Variants in KLC3 observed in about 807,000 individuals in gnomAD.
KLC3 encodes the protein kinesin light chain 2.
In KLC3, 72 loss-of-function variants were observed where a neutral mutation model predicts 62.9. The ratio of observed to expected loss-of-function variants is 1.15; its 90% CI spans 0.95 to 1.39. The LOEUF (loss-of-function observed/expected upper bound fraction) is 1.39, where lower values mean the gene tolerates loss of function less well. KLC3 is among the 40% of genes most tolerant of loss of function. The probability of loss-of-function intolerance (pLI) is 0.00; values close to 1 mark genes in which losing one functional copy is unlikely to be tolerated. For missense variants in KLC3, 848 were observed against 691.6 expected (o/e 1.23, Z -2.54); for synonymous variants, 377 against 300.5 (o/e 1.25, Z -2.63).
At chr19:45,350,082 CCAGGG>C (rs1282607751) in intron 8 of KLC3, 1 of 512,612 alleles carries the variant, frequency 2.0e-6, no homozygotes, top group Non-Finnish European at 3.5e-6. Context: ...CCACTCTGCC[CCAGGG>C]CAAGGCTTTA....
At position 45,348,695 on chromosome 19, in the gene KLC3, C is replaced by A. The variant is rs894205871; in HGVS notation, c.829C>A (p.Gln277Lys). The A allele has an allele frequency of 1.3e-6, 2 of 1,596,774 alleles. No homozygotes were observed. The highest frequency in any genetic ancestry group is 8.5e-7 in the Non-Finnish European group (1 of 1,172,056). Residue 277 changes from glutamine (Q) to lysine (K), a missense_variant, in exon 6 of 13, where the codon CAG becomes AAG. Transcript: ENST00000391946. ...EATDLLHDALQIREQTLGPEH... is the reference protein window; with the variant it reads ...EATDLLHDALKIREQTLGPEH... ...CACAGACCTTCTCCATGATGCCCTG[C>A]AGATCCGGGAGCAGACGCTGGGCCC...
Position 45,345,736 on chromosome 19 carries a change from G to C in KLC3, c.195G>C (p.Glu65Asp). The change falls in exon 2 of 13, where the codon GAG (glutamate) becomes GAC (aspartate). Residue 65 changes from glutamate to aspartate, a missense_variant. Coordinates refer to ENST00000391946, the MANE Select transcript of KLC3 (RefSeq NM_177417.3). ...QGPAAGLEML[E>D]EKQQVVSHSL... ...CGGCAGCCGGCTTGGAGATGCTGGA[G>C]GAAAAGCAGCAGGTGGTGAGCCACT... is the stretch of plus-strand genomic sequence containing the variant. 1 of 1,559,528 alleles carries C rather than the reference G, an allele frequency of 6.4e-7. No individual in the cohort carries two copies. The highest frequency in any genetic ancestry group is 1.2e-5 in the South Asian group (1 of 84,564).
At chr19:45,340,927 T>G (rs1971380358) in intron 1 of KLC3, 81 bp downstream of exon 1, 1 of 152,156 alleles carries the variant, frequency 6.6e-6, no homozygotes, top group Admixed American at 6.5e-5. Context: ...CCGCTCGCCC[T>G]GAGACGGGGA....
rs190213458 is a variant in KLC3, at chr19:45,340,768, G to C, written c.-87G>C. 1.4e-3 allele frequency: 208 copies of C among 152,188 alleles called. No individual in the cohort carries two copies. Among genetic ancestry groups the C allele is most frequent in the African/African-American group, 4.9e-3 (203 of 41,562 alleles). The allele number at this position is 152,188 out of a possible 1,614,324, so 9.4% of individuals were successfully genotyped here. A position where few individuals can be genotyped will look rare whatever the true frequency, so the allele number is the denominator to read the frequency against. ...AGGTCCCAGACGCCCGGCGCAGCGG[G>C]AGCGGCGGGGCGTGCCTGGCCTGCG... is the stretch of plus-strand genomic sequence containing the variant. On this transcript the variant is annotated 5_prime_UTR_variant, in exon 1 of 13. Coordinates refer to ENST00000391946, the MANE Select transcript of KLC3 (RefSeq NM_177417.3).
intron 5 of KLC3, 147 bp downstream of exon 5, chr19:45,348,307 G>A: frequency 1.3e-6 from 1 of 780,244 alleles, no homozygotes; most frequent in South Asian, 1.8e-5. Context: ...AGGAAGGGAA[G>A]GCTCCTGCTG....
In KLC3 at chr19:45,345,653, C is replaced by G; in HGVS notation, c.112C>G (p.Arg38Gly). The G allele has an allele frequency of 6.3e-7, 1 of 1,583,410 alleles. No homozygotes were observed. Among genetic ancestry groups the G allele is most frequent in the African/African-American group, 1.3e-5 (1 of 74,604 alleles). The change falls in exon 2 of 13, where the codon CGG (arginine) becomes GGG (glycine). Residue 38 changes from arginine (R) to glycine (G), a missense_variant. Physicochemically the swap from Arg to Gly is moderately radical, Grantham distance 125 (BLOSUM62 -2). Transcript: ENST00000391946. ...RQVVQGLEALRAEHHGLAGHL... is the reference protein window; with the variant it reads ...RQVVQGLEALGAEHHGLAGHL... Reference sequence around the variant, plus strand: ...AGTGGTCCAGGGGCTGGAGGCGCTGCGGGCAGAGCACCATGGCCTGGCTGG... The same window carrying G: ...AGTGGTCCAGGGGCTGGAGGCGCTGGGGGCAGAGCACCATGGCCTGGCTGG...
In KLC3 at chr19:45,349,558, G is replaced by C. The variant is rs772322559; in HGVS notation, c.1099G>C (p.Gly367Arg). 6.2e-7 allele frequency: 1 copy of C among 1,613,832 alleles called. No homozygotes were observed. Among genetic ancestry groups the C allele is most frequent in the Non-Finnish European group, 8.5e-7 (1 of 1,179,840 alleles). The change falls in exon 8 of 13, where the codon GGC becomes CGC. Residue 367 changes from glycine to arginine, a missense_variant. By Grantham distance (125) the Gly-to-Arg change is moderately radical (BLOSUM62 -2). Coordinates refer to ENST00000391946, the MANE Select transcript of KLC3 (RefSeq NM_177417.3). ...ARALSIYEAL[G>R]GPHDPNVAKT... is the part of the protein sequence containing the mutation. ...GGCCCTGAGCATCTATGAGGCACTG[G>C]GCGGGCCCCATGACCCCAACGTGGC...
Position 45,345,756 on chromosome 19 carries a change from G to A in KLC3, c.215G>A (p.Ser72Asn), listed in dbSNP as rs1428920172. 6.4e-7 allele frequency: 1 copy of A among 1,554,260 alleles called. No homozygotes were observed. The highest frequency in any genetic ancestry group is 2.4e-5 in the East Asian group (1 of 41,410). ...CTGGAGGAAAAGCAGCAGGTGGTGA[G>A]CCACTCGCTGGAGGCCATCGAGCTG... is the stretch of plus-strand genomic sequence containing the variant. ...EMLEEKQQVV[S>N]HSLEAIELGL... The change falls in exon 2 of 13, where the codon AGC becomes AAC. Residue 72 changes from serine to asparagine, a missense_variant. Physicochemically the swap from Ser to Asn is conservative, Grantham distance 46. Transcript: ENST00000391946.
rs201136879 is a variant in KLC3, at chr19:45,351,016, A to C, written c.1442A>C (p.Gln481Pro). 6.1e-5 allele frequency: 99 copies of C among 1,614,086 alleles called. No homozygotes were observed. The African/African-American group carries it at 1.1e-3, about 18-fold the overall frequency. ...GATGCTCCAAGGGCTCCTGGGACTC[A>C]GGTGAGGGGGACATCTGGGTCAAAA... ...NVDAPRAPGT[Q>P]FPSWHLDKAP... The change falls in exon 12 of 13, where the codon CAG becomes CCG. Residue 481 changes from glutamine (Q) to proline (P), a missense_variant and splice_region_variant. Physicochemically the swap from Gln to Pro is moderately conservative, Grantham distance 76. Coordinates refer to ENST00000391946, the MANE Select transcript of KLC3 (RefSeq NM_177417.3).
rs189607118 is a variant in KLC3 at position 45,342,529 on chromosome 19, G to C, written c.-9+1683G>C. On this transcript the variant is annotated intron_variant, in intron 1 of 12. Coordinates refer to ENST00000391946, the MANE Select transcript of KLC3 (RefSeq NM_177417.3). ...AATCCCAGCACTTTGGGAGGCCAAG[G>C]GGGGAGCGGGTGGATCATTTGAGGT... Among the ~76,000 whole-genome samples, 236 of 152,242 alleles carry C rather than the reference G, an allele frequency of 1.6e-3. 1 individual carries two copies. Among genetic ancestry groups the C allele is most frequent in the South Asian group, 2.1e-3 (10 of 4,824 alleles).
At chr19:45,341,802 T>TGTGTGTGTGTGTAG (rs139012889) in intron 1 of KLC3, among the ~76,000 whole-genome samples, 1 of 137,142 alleles carries the variant, frequency 7.3e-6, no homozygotes, top group African/African-American at 2.6e-5. Flanking sequence ...TGTGTGTGTG[T>TGTGTGTGTGTGTAG]AGAGAGGAAC....
intron 8 of KLC3, chr19:45,349,827 C>T (rs529192868): frequency 3.7e-6 from 2 of 544,184 alleles, no homozygotes; most frequent in South Asian, 5.2e-5. Flanking sequence ...CGGAAGCTGG[C>T]AGGCACAGGT....
In KLC3 at chr19:45,350,316, T is replaced by C. The variant is rs1223237343; in HGVS notation, c.1144-25T>C. The C allele has an allele frequency of 5.0e-6, 8 of 1,605,620 alleles. 1 individual carries two copies. Among genetic ancestry groups the C allele is most frequent in the Non-Finnish European group, 6.8e-6 (8 of 1,175,780 alleles). On this transcript the variant is annotated intron_variant, in intron 8 of 12. Coordinates refer to ENST00000391946, the MANE Select transcript of KLC3 (RefSeq NM_177417.3). ...GTGTTGGGAACTGGGGTCCGAAAAG[T>C]TCCCAGACACTCCCTTCTCCGCAGG... is the stretch of plus-strand genomic sequence containing the variant.
intron 5 of KLC3, among the ~76,000 whole-genome samples, chr19:45,348,379 G>T (rs1384849684): frequency 7.5e-6 from 1 of 133,560 alleles, no homozygotes; most frequent in Non-Finnish European, 1.8e-5. Context: ...AGGCAGAGAG[G>T]AGTCAGAGAG....
chr19:45,350,762 G>A lies in KLC3; in HGVS notation c.1379+15G>A. The A allele has an allele frequency of 1.2e-6, 2 of 1,600,130 alleles. No individual in the cohort carries two copies. Among genetic ancestry groups the A allele is most frequent in the Non-Finnish European group, 1.7e-6 (2 of 1,173,248 alleles). On this transcript the variant is annotated intron_variant, in intron 11 of 12. Coordinates refer to ENST00000391946, the MANE Select transcript of KLC3 (RefSeq NM_177417.3). Reference sequence around the variant, plus strand: ...GGAGCAGCCGGGTGAGTGTTGATCAGGTCGGCAAAGAGCCCTGACATCAGC... The same window carrying A: ...GGAGCAGCCGGGTGAGTGTTGATCAAGTCGGCAAAGAGCCCTGACATCAGC...
chr19:45,349,665 T>C, intron 8 of KLC3, 63 bp downstream of exon 8: 1 of 1,172,554 alleles, frequency 8.5e-7, no homozygotes, highest in East Asian at 2.5e-5. Context: ...GAGGCACCCA[T>C]TGGTTGGATA....
intron 1 of KLC3, among the ~76,000 whole-genome samples, chr19:45,341,436 G>C (rs963466101): frequency 2.0e-5 from 3 of 152,008 alleles, no homozygotes; most frequent in African/African-American, 4.8e-5. Context: ...TGCTTGGCCT[G>C]ATGTGCATGT....
At chr19:45,342,255 T>C (rs1971410837) in intron 1 of KLC3, among the ~76,000 whole-genome samples, 1 of 151,972 alleles carries the variant, frequency 6.6e-6, no homozygotes, top group Admixed American at 6.6e-5. Flanking sequence ...GATGTTTGTG[T>C]GTGAGGTGTG....
intron 4 of KLC3, among the ~76,000 whole-genome samples, 199 bp from the exon 5 acceptor site, chr19:45,347,742 C>T (rs143868150): frequency 1.4e-4 from 21 of 152,266 alleles, no homozygotes; most frequent in African/African-American, 4.8e-4. Flanking sequence ...GGTGGGCTGC[C>T]GTGTTCCTGT....
Sources: gnomAD v4.1 joint callset for allele counts (sites outside exome capture counted in the v4.1 genomes callset) on GRCh38, gnomAD v4.1.1 for gene constraint, MANE v1.5 for transcripts, NCBI Gene and HGNC (gene_info 2026-07-23, HGNC 2026-07-21) for gene names.